Variants in CDH1 observed in about 807,000 individuals in gnomAD.
The protein encoded by CDH1 is cadherin-1.
In CDH1, 35 loss-of-function variants were observed where a neutral mutation model predicts 84.5. The ratio of observed to expected loss-of-function variants is 0.41; its 90% CI spans 0.32 to 0.55. The LOEUF (loss-of-function observed/expected upper bound fraction) is 0.55. CDH1 is among the 20% of genes least tolerant of loss of function. The probability of loss-of-function intolerance (pLI) is 0.19; values close to 1 mark genes in which losing one functional copy is unlikely to be tolerated. For synonymous variants in CDH1, 417 were observed against 439.0 expected (o/e 0.95, Z 0.63); for missense variants, 994 against 1,126.6 (o/e 0.88, Z 1.68).
intron 3 of CDH1, among the ~76,000 whole-genome samples, chr16:68,802,264 G>A (rs921575900): frequency 7.2e-5 from 11 of 152,194 alleles, no homozygotes; most frequent in African/African-American, 1.2e-4. Context: ...AATCTCAGCC[G>A]TGCTATTTAC....
At chr16:68,738,593 G>T (rs1962469036) in intron 2 of CDH1, among the ~76,000 whole-genome samples, 182 bp downstream of exon 2, 1 of 152,174 alleles carries the variant, frequency 6.6e-6, no homozygotes, top group Admixed American at 6.5e-5. Flanking sequence ...TGTGGTGGAG[G>T]GGGTAACCCT....
chr16:68,808,285 A>T, intron 3 of CDH1, 139 bp from the exon 4 acceptor site: 1 of 840,202 alleles, frequency 1.2e-6, no homozygotes, highest in East Asian at 2.5e-5. Flanking sequence ...TTTGTCATTG[A>T]TAAGAGAATG....
chr16:68,812,063 G>A (rs2152132366), intron 7 of CDH1, 72 bp from the exon 8 acceptor site: 1 of 1,607,824 alleles, frequency 6.2e-7, no homozygotes, highest in South Asian at 1.1e-5. Context: ...CTGGTTCCAT[G>A]TGTTGGGCTG....
chr16:68,782,359 G>T (rs1455373302), intron 2 of CDH1, among the ~76,000 whole-genome samples: 2 of 152,226 alleles, frequency 1.3e-5, no homozygotes, highest in African/African-American at 4.8e-5. Context: ...GAAGTTTCGA[G>T]TTCTGCAAAA....
chr16:68,819,218 C>T (rs535931444), intron 10 of CDH1, 62 bp from the exon 11 acceptor site: 45 of 1,591,892 alleles, frequency 2.8e-5, no homozygotes, highest in Admixed American at 1.3e-4. Context: ...GCGCTTAAGC[C>T]GTTTTCAGCT....
intron 2 of CDH1, among the ~76,000 whole-genome samples, chr16:68,754,892 G>A (rs943230591): frequency 1.3e-5 from 2 of 152,106 alleles, no homozygotes. Flanking sequence ...CAGGAAGGGT[G>A]ATAAAAACTA....
intron 2 of CDH1, among the ~76,000 whole-genome samples, chr16:68,741,270 T>C (rs567117973): frequency 6.6e-6 from 1 of 152,272 alleles, no homozygotes; most frequent in South Asian, 2.1e-4. Flanking sequence ...ATCAGTCCAA[T>C]GTGGAGTCGC....
intron 2 of CDH1, among the ~76,000 whole-genome samples, chr16:68,759,463 T>C (rs1399743084): frequency 6.6e-6 from 1 of 151,982 alleles, no homozygotes; most frequent in African/African-American, 2.4e-5. Flanking sequence ...TTAGGTACTA[T>C]GGCAATTCCA....
chr16:68,793,121 G>A (rs1386634867), intron 2 of CDH1, among the ~76,000 whole-genome samples: 1 of 152,200 alleles, frequency 6.6e-6, no homozygotes, highest in Non-Finnish European at 1.5e-5. Context: ...TTGTGGGCAC[G>A]TTAAGAGTCA....
chr16:68,829,943 CTTTTTTTTTCT>C, intron 15 of CDH1, 146 bp downstream of exon 15: 1 of 615,040 alleles, frequency 1.6e-6, no homozygotes, highest in East Asian at 3.5e-5. Context: ...TTTCCTTTTT[CTTTTTTTTTCT>C]TTTTCTTTTT....
In CDH1 at chr16:68,823,572, G is replaced by C. The variant is rs1567513430; in HGVS notation, c.2110G>C (p.Gly704Arg). 6.2e-7 allele frequency: 1 copy of C among 1,613,916 alleles called. No homozygotes were observed. The highest frequency in any genetic ancestry group is 8.5e-7 in the Non-Finnish European group (1 of 1,180,040). Residue 704 changes from glycine to arginine, a missense_variant, in exon 13 of 16, where the codon GGA (glycine) becomes CGA (arginine). Transcript: ENST00000261769. ...TAGGAAGGCACAGCCTGTCGAAGCA[G>C]GATTGCAAATTCCTGCCATTCTGGG... ...VCRKAQPVEA[G>R]LQIPAILGIL...
chr16:68,804,824 C>CTTT lies in CDH1; in HGVS notation c.387+2952_387+2954dup, dbSNP rs5817653. On this transcript the variant is annotated intron_variant, in intron 3 of 15. Coordinates refer to ENST00000261769, the MANE Select transcript of CDH1 (RefSeq NM_004360.5). ...AAACAACATATCCAGGTAACAAAAT[C>CTTT]TTTTTTTTTTTTTTTTTTTTTTTGG... 1.8e-3 allele frequency among the ~76,000 whole-genome samples: 123 copies of CTTT among 69,688 alleles called. 1 individual carries two copies. The highest frequency in any genetic ancestry group is 2.3e-3 in the African/African-American group (34 of 15,002). 45.7% of individuals were successfully genotyped at this position (69,688 alleles called of 152,430 possible).
chr16:68,760,081 T>TAC (rs1963125042), intron 2 of CDH1, among the ~76,000 whole-genome samples: 1 of 106,366 alleles, frequency 9.4e-6, no homozygotes, highest in Admixed American at 9.9e-5. Context: ...ATTCCATATA[T>TAC]ATATATTTTT....
intron 11 of CDH1, among the ~76,000 whole-genome samples, chr16:68,820,757 CTGCTT>C (rs1961121897): frequency 2.0e-5 from 3 of 152,120 alleles, no homozygotes; most frequent in Non-Finnish European, 2.9e-5. Context: ...TCCTTCCAGA[CTGCTT>C]CTGTGTATTT....
chr16:68,806,589 A>C (rs917197781), intron 3 of CDH1, among the ~76,000 whole-genome samples: 2 of 152,208 alleles, frequency 1.3e-5, no homozygotes, highest in African/African-American at 4.8e-5. Flanking sequence ...ACTATGTTTC[A>C]GGCAGTATTC....
intron 10 of CDH1, among the ~76,000 whole-genome samples, chr16:68,818,103 G>C (rs1227573711): frequency 2.0e-5 from 3 of 151,766 alleles, no homozygotes; most frequent in Non-Finnish European, 2.9e-5. Flanking sequence ...AGCCGGGCGT[G>C]GTGGCGGGTG....
chr16:68,779,645 T>G (rs1011074013), intron 2 of CDH1, among the ~76,000 whole-genome samples: 2 of 152,118 alleles, frequency 1.3e-5, no homozygotes, highest in African/African-American at 4.8e-5. Context: ...GATCACAAAG[T>G]CAAGAGATCG....
chr16:68,763,596 G>A (rs1183669523), intron 2 of CDH1: 1 of 152,186 alleles, frequency 6.6e-6, no homozygotes, highest in Non-Finnish European at 1.5e-5. Context: ...AAGTAGGGGA[G>A]GGAAGAATAA....
At chr16:68,818,619 C>T (rs1191446939) in intron 10 of CDH1, among the ~76,000 whole-genome samples, 1 of 148,414 alleles carries the variant, frequency 6.7e-6, no homozygotes, top group African/African-American at 2.5e-5. Flanking sequence ...GAGGCCGAGA[C>T]GTGCGGATCA....
Sources: allele counts gnomAD v4.1 joint callset (sites outside exome capture counted in the v4.1 genomes callset), GRCh38; gene constraint gnomAD v4.1.1; transcripts MANE v1.5; gene names NCBI Gene and HGNC (gene_info 2026-07-23, HGNC 2026-07-21).